PCDHA12: variants seen among roughly 807,000 people sequenced by gnomAD.
PCDHA12 encodes protocadherin alpha-12.
Under a neutral mutation model 60.0 loss-of-function variants are expected in PCDHA12, and 44 were observed. The observed-to-expected ratio is 0.73, with a 90% CI of 0.58 to 0.94. PCDHA12 has a LOEUF of 0.94. Ranked by LOEUF, PCDHA12 falls within the 40% of genes least tolerant of loss-of-function variation. The pLI, the probability that PCDHA12 is intolerant of heterozygous loss-of-function variation, is 0.00. For missense variants in PCDHA12, 1,276 were observed against 1,239.7 expected (o/e 1.03, Z -0.44); for synonymous variants, 569 against 553.0 (o/e 1.03, Z -0.40).
At chr5:140,960,511 C>T (rs2153725482) in intron 1 of PCDHA12, among the ~76,000 whole-genome samples, 1 of 152,156 alleles carries the variant, frequency 6.6e-6, no homozygotes, top group East Asian at 1.9e-4. Context: ...AAGCAGCAAA[C>T]ATAATGGGTA....
At chr5:141,007,395 C>CAAAA (rs35800918) in intron 3 of PCDHA12, among the ~76,000 whole-genome samples, 7 of 94,852 alleles carry the variant, frequency 7.4e-5, no homozygotes, top group East Asian at 2.9e-4. Context: ...TACTAAAATA[C>CAAAA]AAAAAAAAAA....
At position 140,983,424 on chromosome 5, in the gene PCDHA12, A is replaced by G. The variant is rs115903969; in HGVS notation, c.2515+861A>G. On this transcript the variant is annotated intron_variant, in intron 3 of 3. Transcript: ENST00000398631. ...GGAAGATTAAGTGTTGGTAGAGACC[A>G]CAAATTGTGTCTACTCTAATCCTCT... Among the ~76,000 whole-genome samples, 1,234 of 152,366 alleles carry G rather than the reference A, an allele frequency of 8.1e-3. 22 individuals are homozygous for G. Among genetic ancestry groups the G allele is most frequent in the African/African-American group, 0.028 (1,160 of 41,578 alleles).
At chr5:141,006,483 G>T (rs1351534173) in intron 3 of PCDHA12, among the ~76,000 whole-genome samples, 1 of 152,126 alleles carries the variant, frequency 6.6e-6, no homozygotes, top group Non-Finnish European at 1.5e-5. Context: ...AAAGTGCTGG[G>T]ATTACATGTG....
At chr5:140,929,195 G>GT in intron 1 of PCDHA12, 2 of 1,614,140 alleles carry the variant, frequency 1.2e-6, no homozygotes, top group Non-Finnish European at 1.7e-6. Context: ...GATAATAACA[G>GT]TTTGCTGTTG....
intron 1 of PCDHA12, among the ~76,000 whole-genome samples, chr5:140,969,915 GC>G (rs1181399848): frequency 2.0e-5 from 3 of 152,192 alleles, no homozygotes; most frequent in African/African-American, 7.2e-5. Flanking sequence ...AAGTGATAAA[GC>G]TGTAGTATTT....
chr5:140,940,844 T>C (rs942965203), intron 1 of PCDHA12, among the ~76,000 whole-genome samples: 1 of 152,228 alleles, frequency 6.6e-6, no homozygotes. Flanking sequence ...TTCTTCACGA[T>C]AGATTTTTAT....
At chr5:140,934,312 A>G (rs2089755727) in intron 1 of PCDHA12, among the ~76,000 whole-genome samples, 1 of 152,108 alleles carries the variant, frequency 6.6e-6, no homozygotes, top group South Asian at 2.1e-4. Context: ...CTTACTGCAA[A>G]TGTCCAATCA....
chr5:140,892,232 T>C (rs2063437812), intron 1 of PCDHA12, among the ~76,000 whole-genome samples: 1 of 152,176 alleles, frequency 6.6e-6, no homozygotes, highest in African/African-American at 2.4e-5. Context: ...GTGTTTTGTC[T>C]CCACATAAAC....
chr5:140,940,208 A>C (rs1193106137), intron 1 of PCDHA12, among the ~76,000 whole-genome samples: 1 of 152,164 alleles, frequency 6.6e-6, no homozygotes, highest in Non-Finnish European at 1.5e-5. Context: ...AAAATTCAAG[A>C]TTGGCATTTA....
intron 1 of PCDHA12, among the ~76,000 whole-genome samples, chr5:140,956,473 A>G (rs1269855039): frequency 1.1e-4 from 17 of 152,136 alleles, no homozygotes; most frequent in Admixed American, 1.1e-3. Context: ...CATATGTTGA[A>G]CCAGTCTTGC....
rs571391051 is a variant in PCDHA12 at position 140,964,645 on chromosome 5, A to G, written c.2368-14304A>G. Among the ~76,000 whole-genome samples the G allele has an allele frequency of 4.6e-5, 7 of 152,152 alleles. No individual in the cohort carries two copies. The East Asian group carries it at 7.7e-4, about 17-fold the overall frequency. ...TATAAGCCATTTATTTTCAGAAACA[A>G]GTAATGGGTGAGGACACAGGCCAGG... is the stretch of plus-strand genomic sequence containing the variant. On this transcript the variant is annotated intron_variant, in intron 1 of 3. Coordinates refer to ENST00000398631, the MANE Select transcript of PCDHA12 (RefSeq NM_018903.4).
At chr5:140,936,153 A>G (rs539421853) in intron 1 of PCDHA12, among the ~76,000 whole-genome samples, 1 of 152,284 alleles carries the variant, frequency 6.6e-6, no homozygotes, top group Admixed American at 6.5e-5. Flanking sequence ...TTGGCCTCCT[A>G]AAGTGCTGGG....
chr5:140,955,603 C>T (rs898504105), intron 1 of PCDHA12, among the ~76,000 whole-genome samples: 1 of 152,146 alleles, frequency 6.6e-6, no homozygotes, highest in Non-Finnish European at 1.5e-5. Flanking sequence ...TTATAAATTA[C>T]CCAGTCTCAG....
intron 1 of PCDHA12, among the ~76,000 whole-genome samples, chr5:140,897,495 A>G (rs1208374175): frequency 1.2e-4 from 19 of 152,006 alleles, no homozygotes; most frequent in Admixed American, 9.8e-4. Flanking sequence ...AATTTCAACC[A>G]TGTCCCTACA....
At chr5:140,941,424 C>A (rs909959554) in intron 1 of PCDHA12, among the ~76,000 whole-genome samples, 2 of 148,790 alleles carry the variant, frequency 1.3e-5, no homozygotes, top group African/African-American at 5.0e-5. Flanking sequence ...TCAAGCAATT[C>A]TCTGCCTCAG....
Position 141,012,283 on chromosome 5 carries a change from AT to A in PCDHA12, c.*2350del, listed in dbSNP as rs1313163740. 6.5e-6 allele frequency: 1 copy of A among 153,798 alleles called. No homozygotes were observed. Among genetic ancestry groups the A allele is most frequent in the Non-Finnish European group, 1.5e-5 (1 of 68,046 alleles). The allele number at this position is 153,798 out of a possible 1,614,324, so 9.5% of individuals were successfully genotyped here. ...AGGATAAAACACGTCATGTGGATTC[AT>A]TTTGAATTGGTGCTATTGGTATTTC... On this transcript the variant is annotated 3_prime_UTR_variant, in exon 4 of 4. Coordinates refer to ENST00000398631, the MANE Select transcript of PCDHA12 (RefSeq NM_018903.4).
chr5:140,926,537 T>G, intron 1 of PCDHA12: 10 of 211,562 alleles, frequency 4.7e-5, no homozygotes, highest in Non-Finnish European at 7.4e-5. Flanking sequence ...GCAGCCAGCG[T>G]GGTGGTCGAG....
chr5:140,959,301 G>A (rs139206577), intron 1 of PCDHA12, among the ~76,000 whole-genome samples: 161 of 152,140 alleles, frequency 1.1e-3, no homozygotes, highest in Non-Finnish European at 1.1e-3. Context: ...CACTGAGCCC[G>A]GTGGTTGAAG....
chr5:140,902,381 A>G (rs2153476778), intron 1 of PCDHA12, among the ~76,000 whole-genome samples: 1 of 152,036 alleles, frequency 6.6e-6, no homozygotes, highest in South Asian at 2.1e-4. Flanking sequence ...TGCTCTAGCT[A>G]AGAGTACTAT....
Sources: gnomAD v4.1 joint callset for allele counts (sites outside exome capture counted in the v4.1 genomes callset) on GRCh38, gnomAD v4.1.1 for gene constraint, MANE v1.5 for transcripts, NCBI Gene and HGNC (gene_info 2026-07-23, HGNC 2026-07-21) for gene names.